The following STX8 variants were observed in gnomAD, a reference collection of about 807,000 sequenced individuals.
STX8 encodes syntaxin 8, also known as syntaxin-8.
In STX8, 23 loss-of-function variants were observed where a neutral mutation model predicts 37.5. The observed-to-expected ratio is 0.61, with a 90% CI of 0.44 to 0.87. STX8 has a LOEUF of 0.87. Among genes scored for constraint, STX8 ranks in the 40% least tolerant of loss-of-function variants. STX8 has a pLI of 0.00. For synonymous variants in STX8, 115 were observed against 99.1 expected (o/e 1.16, Z -0.95); for missense variants, 313 against 284.7 (o/e 1.10, Z -0.71).
intron 7 of STX8, among the ~76,000 whole-genome samples, chr17:9,299,827 C>T (rs1475946315): frequency 6.6e-6 from 1 of 152,206 alleles, no homozygotes; most frequent in Non-Finnish European, 1.5e-5. Context: ...GAAGCTACCG[C>T]TTTAGGCTAT....
At chr17:9,345,160 T>C (rs1198392529) in intron 7 of STX8, among the ~76,000 whole-genome samples, 1 of 152,002 alleles carries the variant, frequency 6.6e-6, no homozygotes, top group African/African-American at 2.4e-5. Flanking sequence ...TTCTTTCTTT[T>C]TTTTTTTTAG....
At chr17:9,550,352 GCTAA>G (rs1906715130) in intron 3 of STX8, among the ~76,000 whole-genome samples, 1 of 152,236 alleles carries the variant, frequency 6.6e-6, no homozygotes, top group African/African-American at 2.4e-5. Flanking sequence ...GAAGAGAAGA[GCTAA>G]CTATCATAGT....
At chr17:9,334,193 T>G (rs1910067189) in intron 7 of STX8, among the ~76,000 whole-genome samples, 1 of 151,968 alleles carries the variant, frequency 6.6e-6, no homozygotes, top group African/African-American at 2.4e-5. Context: ...GGTTTCTCAA[T>G]CTGGGTGGTG....
Position 9,491,881 on chromosome 17 carries a change from A to G in STX8, c.489T>C (p.Ser163=), listed in dbSNP as rs1906867039. The G allele has an allele frequency of 1.2e-6, 2 of 1,613,964 alleles. No individual in the cohort carries two copies. Residue 163 remains serine, a synonymous_variant, in exon 6 of 8, where the codon AGT becomes AGC. Coordinates refer to ENST00000306357, the MANE Select transcript of STX8 (RefSeq NM_004853.3). The stretch of plus-strand genomic sequence containing the variant: ...TTTCCTGCCCCATTTGTTTTTGGCG[A>G]CTTATGATAGAGGAAAGGGCATCAA... ...AGLDALSSII[S]RQKQMGQEIG... is the part of the protein sequence containing the mutation.
intron 4 of STX8, among the ~76,000 whole-genome samples, chr17:9,533,637 C>T (rs1406886982): frequency 6.6e-6 from 1 of 152,070 alleles, no homozygotes; most frequent in African/African-American, 2.4e-5. Context: ...AAAAGGCCAG[C>T]GAGTGACTAA....
chr17:9,342,769 T>C (rs1051348514), intron 7 of STX8, among the ~76,000 whole-genome samples: 2 of 152,138 alleles, frequency 1.3e-5, no homozygotes, highest in African/African-American at 2.4e-5. Flanking sequence ...ACGCCTGTAA[T>C]CCCAGCACTT....
intron 7 of STX8, among the ~76,000 whole-genome samples, chr17:9,284,596 T>TG (rs2142156014): frequency 6.6e-6 from 1 of 152,216 alleles, no homozygotes; most frequent in Non-Finnish European, 1.5e-5. Flanking sequence ...TTTAAAAAAT[T>TG]TTTTTTCTTT....
chr17:9,273,885 C>T (rs1344580439), intron 7 of STX8, among the ~76,000 whole-genome samples: 1 of 152,158 alleles, frequency 6.6e-6, no homozygotes, highest in African/African-American at 2.4e-5. Context: ...GTCTAACATG[C>T]TCTGCCGTCT....
Position 9,483,190 on chromosome 17 carries a change from G to A in STX8, c.541+8639C>T, listed in dbSNP as rs116700167. 8.1e-3 allele frequency among the ~76,000 whole-genome samples: 1,230 copies of A among 151,984 alleles called. 13 individuals carry two copies. The highest frequency in any genetic ancestry group is 0.028 in the African/African-American group (1,179 of 41,428). On this transcript the variant is annotated intron_variant, in intron 6 of 7. Transcript: ENST00000306357. ...CTGGACTGAAATTGAGGCGACCCCC[G>A]CAGAAGCTCTCAGGAAGAATCCATT...
At chr17:9,454,831 G>C (rs1225424197) in intron 6 of STX8, among the ~76,000 whole-genome samples, 1 of 152,138 alleles carries the variant, frequency 6.6e-6, no homozygotes, top group Admixed American at 6.5e-5. Flanking sequence ...ACTGTTCTAG[G>C]GGGCAGAGGA....
chr17:9,546,274 T>G (rs778405172), intron 3 of STX8, among the ~76,000 whole-genome samples: 23 of 152,312 alleles, frequency 1.5e-4, no homozygotes, highest in Admixed American at 3.9e-4. Flanking sequence ...GTAGCCCTAT[T>G]CCACTATCTA....
chr17:9,252,330 C>G (rs1336753069), intron 7 of STX8, among the ~76,000 whole-genome samples: 4 of 152,092 alleles, frequency 2.6e-5, no homozygotes, highest in Middle Eastern at 3.4e-3. Context: ...TGTAGTCCCA[C>G]CTACTTGGGA....
At chr17:9,332,302 G>GAATCACAGTATAAGACTACA (rs1909986167) in intron 7 of STX8, among the ~76,000 whole-genome samples, 1 of 152,172 alleles carries the variant, frequency 6.6e-6, no homozygotes, top group African/African-American at 2.4e-5. Flanking sequence ...ATGACTCAGA[G>GAATCACAGTATAAGACTACA]GCAGAGATCT....
chr17:9,372,638 T>C (rs1245828061), intron 7 of STX8, among the ~76,000 whole-genome samples: 3 of 151,286 alleles, frequency 2.0e-5, no homozygotes, highest in Non-Finnish European at 4.4e-5. Context: ...CCACCACGCC[T>C]GGCTAATTTT....
chr17:9,312,449 C>T (rs1023337699), intron 7 of STX8, among the ~76,000 whole-genome samples: 5 of 152,158 alleles, frequency 3.3e-5, no homozygotes, highest in Admixed American at 3.3e-4. Context: ...GATCCACCTG[C>T]CTCGGCCTCC....
intron 6 of STX8, among the ~76,000 whole-genome samples, chr17:9,489,010 G>C (rs923445417): frequency 6.6e-6 from 1 of 152,130 alleles, no homozygotes; most frequent in Admixed American, 6.5e-5. Flanking sequence ...CCAAGTAGCT[G>C]GGACTACAGG....
chr17:9,488,871 C>CGTGTGT (rs150176375), intron 6 of STX8, among the ~76,000 whole-genome samples: 3 of 148,510 alleles, frequency 2.0e-5, no homozygotes, highest in African/African-American at 7.4e-5. Context: ...CGCTCGGTCA[C>CGTGTGT]GTGTGTGTGT....
At chr17:9,269,952 T>G (rs772784716) in intron 7 of STX8, among the ~76,000 whole-genome samples, 2 of 152,232 alleles carry the variant, frequency 1.3e-5, no homozygotes, top group Non-Finnish European at 2.9e-5. Flanking sequence ...TCTATGCTGC[T>G]TCTGTATACT....
At chr17:9,499,445 C>G (rs1308518106) in intron 5 of STX8, among the ~76,000 whole-genome samples, 2 of 152,190 alleles carry the variant, frequency 1.3e-5, no homozygotes, top group East Asian at 3.9e-4. Flanking sequence ...TGTCGCCAGG[C>G]TGGAGTGTAG....
Sources: gnomAD v4.1 joint callset for allele counts (sites outside exome capture counted in the v4.1 genomes callset) on GRCh38, gnomAD v4.1.1 for gene constraint, MANE v1.5 for transcripts, NCBI Gene and HGNC (gene_info 2026-07-23, HGNC 2026-07-21) for gene names.